IPO13: variants seen among roughly 807,000 people sequenced by gnomAD.
IPO13 encodes the protein importin 13, also known as importin-13.
IPO13 carries 28 observed loss-of-function variants against 115.5 expected under a neutral mutation model. The ratio of observed to expected loss-of-function variants is 0.24; its 90% CI spans 0.18 to 0.33. The LOEUF is 0.33. IPO13 is among the 10% of genes least tolerant of loss of function. The pLI is 1.00. For missense variants in IPO13, 785 were observed against 1,204.6 expected (o/e 0.65, Z 5.16); for synonymous variants, 414 against 478.9 (o/e 0.86, Z 1.77).
In IPO13 at chr1:43,956,005, CAAAA is replaced by C. The variant is rs5773817; in HGVS notation, c.822-296_822-293del. On this transcript the variant is annotated intron_variant, in intron 2 of 19. Coordinates refer to ENST00000372343, the MANE Select transcript of IPO13 (RefSeq NM_014652.4). This position sits in a 1 kb window ranked among gnomAD's most constrained non-coding sequence, Gnocchi z 4.7. ...TGGGTAACACAGCAAAACCCCATCTCAAAAAAAAAAAAAAAAAAAAAATCTTAAC... is the reference window on the plus strand; with the variant it reads ...TGGGTAACACAGCAAAACCCCATCTCAAAAAAAAAAAAAAAAAATCTTAAC... Among the ~76,000 whole-genome samples, 52 of 113,854 alleles carry C rather than the reference CAAAA, an allele frequency of 4.6e-4. No individual in the cohort carries two copies. The highest frequency in any genetic ancestry group is 5.8e-4 in the African/African-American group (16 of 27,466). 74.7% of individuals were successfully genotyped at this position (113,854 alleles called of 152,430 possible).
In IPO13 at chr1:43,960,338, T is replaced by C. The variant is rs772727077; in HGVS notation, c.2109+9T>C. 2 of 1,613,610 alleles carry C rather than the reference T, an allele frequency of 1.2e-6. No individual in the cohort carries two copies. Among genetic ancestry groups the C allele is most frequent in the Middle Eastern group, 1.7e-4 (1 of 6,052 alleles). On this transcript the variant is annotated intron_variant, in intron 12 of 19. Transcript: ENST00000372343. ...ATGCCCAGGTTGTGGAGGTGAGCCC[T>C]GACCCTTGCCCTCCGCTCCCATAGT...
chr1:43,950,557 T>G (rs1184845230), intron 2 of IPO13, among the ~76,000 whole-genome samples: 1 of 152,210 alleles, frequency 6.6e-6, no homozygotes, highest in African/African-American at 2.4e-5. Context: ...GCAGCCACAG[T>G]GATCTTTTGA....
rs935425745 is a variant in IPO13 at position 43,956,075 on chromosome 1, T to A, written c.822-245T>A. Among the ~76,000 whole-genome samples, 3 of 151,566 alleles carry A rather than the reference T, an allele frequency of 2.0e-5. No homozygotes were observed. In the East Asian group the frequency reaches 5.8e-4, roughly 29 times the overall value. Reference sequence around the variant, plus strand: ...CTCTCAGTCCAACTGGAGAACACAATTCAACCCATAATGCTGACCTTCTCA... The same window carrying A: ...CTCTCAGTCCAACTGGAGAACACAAATCAACCCATAATGCTGACCTTCTCA... On this transcript the variant is annotated intron_variant, in intron 2 of 19. Transcript: ENST00000372343. The surrounding 1 kb of genome is among the most constrained non-coding windows in gnomAD (Gnocchi z 4.7).
At chr1:43,961,390 A>G in intron 14 of IPO13, 128 bp downstream of exon 14, 2 of 779,918 alleles carry the variant, frequency 2.6e-6, no homozygotes, top group Non-Finnish European at 4.6e-6. Flanking sequence ...TTGATGGGAA[A>G]CCTGTGAGAT....
At position 43,966,871 on chromosome 1, in the gene IPO13, C is replaced by A; in HGVS notation, c.2524-59C>A. ...GACAGTAGGGCTGGGGTGTACAGGT[C>A]TTGTCCTCAGGGAGAGCTGGGAAGG... On this transcript the variant is annotated intron_variant, in intron 17 of 19. Transcript: ENST00000372343. The surrounding 1 kb of genome is among the most constrained non-coding windows in gnomAD (Gnocchi z 4.1). The A allele has an allele frequency of 6.2e-7, 1 of 1,608,256 alleles. No homozygotes were observed. Among genetic ancestry groups the A allele is most frequent in the Non-Finnish European group, 8.5e-7 (1 of 1,175,000 alleles).
Position 43,964,250 on chromosome 1 carries a change from C to A in IPO13, c.2345-19C>A. ...GTTTGTATAATTTTTTCTTAAGTTCCATCTTTATTATATTTTAGGGCCCAG... is the reference window on the plus strand; with the variant it reads ...GTTTGTATAATTTTTTCTTAAGTTCAATCTTTATTATATTTTAGGGCCCAG... On this transcript the variant is annotated intron_variant, in intron 14 of 19. Coordinates refer to ENST00000372343, the MANE Select transcript of IPO13 (RefSeq NM_014652.4). 1 of 1,579,078 alleles carries A rather than the reference C, an allele frequency of 6.3e-7. No individual in the cohort carries two copies. The highest frequency in any genetic ancestry group is 8.7e-7 in the Non-Finnish European group (1 of 1,151,444).
chr1:43,956,950 C>T lies in IPO13; in HGVS notation c.1245C>T (p.Asp415=), dbSNP rs17402858. The T allele has an allele frequency of 0.034, 55,520 of 1,614,084 alleles. 1,069 individuals are homozygous for T. Among genetic ancestry groups the T allele is most frequent in the Non-Finnish European group, 0.039 (45,737 of 1,179,966 alleles). ...SDEEYGFWSS[D]EKEQFRIYRV... is the part of the protein sequence containing the mutation. ...AGGAATATGGATTCTGGTCCTCAGA[C>T]GAGAAGGAGCAGTTCCGAATTTACA... Residue 415 remains aspartate, a synonymous_variant, in exon 5 of 20, where the codon GAC becomes GAT. Transcript: ENST00000372343. The surrounding 1 kb of genome is among the most constrained non-coding windows in gnomAD (Gnocchi z 4.7).
intron 14 of IPO13, among the ~76,000 whole-genome samples, chr1:43,964,059 T>C (rs1178128113): frequency 1.3e-5 from 2 of 152,226 alleles, no homozygotes; most frequent in Non-Finnish European, 2.9e-5. Context: ...TGGAGGGAGC[T>C]GGGGCAGGCC....
intron 14 of IPO13, 68 bp downstream of exon 14, chr1:43,961,330 C>G: frequency 4.0e-6 from 5 of 1,237,346 alleles, no homozygotes; most frequent in East Asian, 2.3e-5. Flanking sequence ...AAATGGGGAG[C>G]CAAAGCTGCC....
rs372267456 is a variant in IPO13 at position 43,966,368 on chromosome 1, A to G, written c.2398-207A>G. ...CACGTACACCTGCGTGTTCATGTAC[A>G]CATACATGTACATAGCATCCCTTGA... On this transcript the variant is annotated intron_variant, in intron 15 of 19. Transcript: ENST00000372343. This position sits in a 1 kb window ranked among gnomAD's most constrained non-coding sequence, Gnocchi z 4.1. The G allele has an allele frequency of 3.4e-5, 21 of 612,392 alleles. No individual in the cohort carries two copies. In the African/African-American group the frequency reaches 3.9e-4, roughly 11 times the overall value. The allele number at this position is 612,392 out of a possible 1,614,324, so 37.9% of individuals were successfully genotyped here. A position where few individuals can be genotyped will look rare whatever the true frequency, so the allele number is the denominator to read the frequency against.
intron 7 of IPO13, 117 bp from the exon 8 acceptor site, chr1:43,957,860 G>A: frequency 1.0e-6 from 1 of 960,840 alleles, no homozygotes; most frequent in Non-Finnish European, 1.6e-6. Flanking sequence ...GAATGGGGCA[G>A]TACTCTGTGC....
Position 43,960,262 on chromosome 1 carries a change from T to G in IPO13, c.2042T>G (p.Leu681Arg). 1 of 1,614,160 alleles carries G rather than the reference T, an allele frequency of 6.2e-7. No individual in the cohort carries two copies. The highest frequency in any genetic ancestry group is 8.5e-7 in the Non-Finnish European group (1 of 1,180,026). The change falls in exon 12 of 20, where the codon CTG (leucine) becomes CGG (arginine). Residue 681 changes from leucine (L) to arginine (R), a missense_variant. Around this residue, in one of 3 missense-constraint regions of IPO13, gnomAD observed 285 missense variants for 394.8 expected, o/e 0.72. Transcript: ENST00000372343. ...PQGPNPVVVV[L>R]QQVFQLIQKV... ...CTGTGCCTTCAGGTGGTGGTGGTGC[T>G]GCAGCAGGTCTTCCAGCTTATCCAG... is the stretch of plus-strand genomic sequence containing the variant.
In IPO13 at chr1:43,966,231, A is replaced by G. The variant is rs1353038110; in HGVS notation, c.2398-344A>G. 4.8e-6 allele frequency: 2 copies of G among 417,340 alleles called. No homozygotes were observed. Among genetic ancestry groups the G allele is most frequent in the Non-Finnish European group, 9.0e-6 (2 of 222,324 alleles). The allele number at this position is 417,340 out of a possible 1,614,324, so 25.9% of individuals were successfully genotyped here. A position where few individuals can be genotyped will look rare whatever the true frequency, so the allele number is the denominator to read the frequency against. The stretch of plus-strand genomic sequence containing the variant: ...TAACTCCCTCTGTGAATCAACATGA[A>G]GTCACTGCTGGCAACCTAGAGCCTG... On this transcript the variant is annotated intron_variant, in intron 15 of 19. Coordinates refer to ENST00000372343, the MANE Select transcript of IPO13 (RefSeq NM_014652.4). This position sits in a 1 kb window ranked among gnomAD's most constrained non-coding sequence, Gnocchi z 4.1.
chr1:43,951,450 A>C (rs958175072), intron 2 of IPO13, among the ~76,000 whole-genome samples: 12 of 152,196 alleles, frequency 7.9e-5, no homozygotes, highest in Non-Finnish European at 2.9e-5. Flanking sequence ...GATGGGGAGG[A>C]CATTCCAGCC....
chr1:43,959,595 C>T (rs1184720756), intron 11 of IPO13, among the ~76,000 whole-genome samples: 6 of 152,176 alleles, frequency 3.9e-5, no homozygotes, highest in South Asian at 2.1e-4. Context: ...CTGCTTTAGT[C>T]GTTGTTCCCA....
chr1:43,950,488 ATCTC>A (rs1313450344), intron 2 of IPO13, among the ~76,000 whole-genome samples: 3 of 152,072 alleles, frequency 2.0e-5, no homozygotes, highest in Non-Finnish European at 1.5e-5. Context: ...AGCTGTCATC[ATCTC>A]TCTCCCCAGA....
At chr1:43,954,322 G>A (rs1477039834) in intron 2 of IPO13, among the ~76,000 whole-genome samples, 1 of 152,192 alleles carries the variant, frequency 6.6e-6, no homozygotes, top group African/African-American at 2.4e-5. Flanking sequence ...TCTGGGCTGG[G>A]GATATCCTGG....
chr1:43,947,575 A>C lies in IPO13; in HGVS notation c.-26A>C. The C allele has an allele frequency of 8.1e-7, 1 of 1,237,956 alleles. No individual in the cohort carries two copies. Among genetic ancestry groups the C allele is most frequent in the South Asian group, 2.7e-5 (1 of 37,630 alleles). The allele number at this position is 1,237,956 out of a possible 1,614,324, so 76.7% of individuals were successfully genotyped here. On this transcript the variant is annotated 5_prime_UTR_variant, in exon 1 of 20. Coordinates refer to ENST00000372343, the MANE Select transcript of IPO13 (RefSeq NM_014652.4). ...TGGGGCAGGAGACAGATCAGGGCCCACCTCCCTGCCAGGGAGGGAGCAAAG... is the reference window on the plus strand; with the variant it reads ...TGGGGCAGGAGACAGATCAGGGCCCCCCTCCCTGCCAGGGAGGGAGCAAAG...
Position 43,967,323 on chromosome 1 carries a change from G to A in IPO13, c.2622G>A (p.Gly874=), listed in dbSNP as rs1033912450. The A allele has an allele frequency of 3.1e-6, 5 of 1,613,020 alleles. No homozygotes were observed. Among genetic ancestry groups the A allele is most frequent in the Admixed American group, 3.3e-5 (2 of 60,012 alleles). ...MLLIAVLEAI[G]GQASRSLMDC... Reference sequence around the variant, plus strand: ...GAACCCCTCTCCCTCAGGCCATTGGGGGCCAGGCCTCCCGCAGCCTCATGG... The same window carrying A: ...GAACCCCTCTCCCTCAGGCCATTGGAGGCCAGGCCTCCCGCAGCCTCATGG... Residue 874 remains glycine (G), a synonymous_variant, in exon 19 of 20, where the codon GGG becomes GGA. Coordinates refer to ENST00000372343, the MANE Select transcript of IPO13 (RefSeq NM_014652.4). This position sits in a 1 kb window ranked among gnomAD's most constrained non-coding sequence, Gnocchi z 6.1.
Sources: allele counts gnomAD v4.1 joint callset (sites outside exome capture counted in the v4.1 genomes callset), GRCh38; gene constraint gnomAD v4.1.1; regional missense constraint gnomAD v4.1.1; non-coding constraint Gnocchi (gnomAD v3.1); transcripts MANE v1.5; gene names NCBI Gene and HGNC (gene_info 2026-07-23, HGNC 2026-07-21).